SMCHD1: variants seen among roughly 807,000 people sequenced by gnomAD.
The protein encoded by SMCHD1 is structural maintenance of chromosomes flexible hinge domain containing 1, also known as structural maintenance of chromosomes flexible hinge domain-containing protein 1.
A neutral mutation model predicts 254.7 loss-of-function variants in SMCHD1; 78 were observed. That is an observed-to-expected ratio of 0.31 (90% CI 0.26 to 0.37). The LOEUF (loss-of-function observed/expected upper bound fraction) is 0.37. SMCHD1 is among the 10% of genes least tolerant of loss of function. The pLI, the probability that SMCHD1 is intolerant of heterozygous loss-of-function variation, is 1.00. For missense variants in SMCHD1, 1,840 were observed against 2,408.1 expected (o/e 0.76, Z 4.94); for synonymous variants, 766 against 794.9 (o/e 0.96, Z 0.61).
intron 31 of SMCHD1, 104 bp from the exon 32 acceptor site, chr18:2,750,246 A>C: frequency 1.4e-6 from 2 of 1,400,688 alleles, no homozygotes; most frequent in Non-Finnish European, 1.9e-6. Flanking sequence ...ACTGAATAGA[A>C]GTTGAGAGGT....
intron 34 of SMCHD1, among the ~76,000 whole-genome samples, chr18:2,760,088 C>T (rs1050115651): frequency 1.3e-5 from 2 of 152,082 alleles, no homozygotes; most frequent in African/African-American, 2.4e-5. Context: ...TGAGCCACAT[C>T]GCACATATTG....
intron 3 of SMCHD1, among the ~76,000 whole-genome samples, chr18:2,667,936 G>A (rs770873079): frequency 2.0e-5 from 3 of 152,078 alleles, no homozygotes; most frequent in Non-Finnish European, 4.4e-5. Context: ...CTGGAGTGCA[G>A]TGGTGTGATC....
intron 20 of SMCHD1, 75 bp from the exon 21 acceptor site, chr18:2,724,824 T>C (rs1281411478): frequency 1.5e-6 from 1 of 678,210 alleles, no homozygotes; most frequent in Non-Finnish European, 2.3e-6. Context: ...CAATGTCACA[T>C]AGGAAAGCAA....
intron 3 of SMCHD1, among the ~76,000 whole-genome samples, chr18:2,670,511 A>G (rs918938313): frequency 6.6e-6 from 1 of 152,076 alleles, no homozygotes; most frequent in Non-Finnish European, 1.5e-5. Context: ...TTTCTTTCCC[A>G]TATTCCTCCA....
At chr18:2,742,372 T>C (rs1421557542) in intron 28 of SMCHD1, among the ~76,000 whole-genome samples, 2 of 152,174 alleles carry the variant, frequency 1.3e-5, no homozygotes, top group Non-Finnish European at 2.9e-5. Context: ...AGATTTGAAA[T>C]AAAACCAGAA....
Position 2,700,790 on chromosome 18 carries a change from A to T in SMCHD1, c.1519A>T (p.Asn507Tyr). Residue 507 changes from asparagine (N) to tyrosine (Y), a missense_variant, in exon 12 of 48, where the codon AAT becomes TAT. By Grantham distance (143) the Asn-to-Tyr change is moderately radical. This residue lies in a region of SMCHD1 where 498 missense variants were observed against 743.5 expected (regional missense o/e 0.67). Transcript: ENST00000320876. The stretch of plus-strand genomic sequence containing the variant: ...AGGGCTTGCACCAATTGAATGCTAC[A>T]ATAGGATATCTGGTGCATTATTCAC... ...KRGLAPIECY[N>Y]RISGALFTND... 1 of 1,613,508 alleles carries T rather than the reference A, an allele frequency of 6.2e-7. No individual in the cohort carries two copies. Among genetic ancestry groups the T allele is most frequent in the Non-Finnish European group, 8.5e-7 (1 of 1,179,636 alleles).
intron 7 of SMCHD1, among the ~76,000 whole-genome samples, chr18:2,689,509 C>T (rs796374374): frequency 1.8e-4 from 28 of 151,860 alleles, no homozygotes; most frequent in African/African-American, 6.5e-4. Flanking sequence ...ACGTGAGCCA[C>T]CGCGCCCAGC....
chr18:2,710,121 T>C (rs554744849), intron 17 of SMCHD1, among the ~76,000 whole-genome samples: 14 of 152,348 alleles, frequency 9.2e-5, no homozygotes, highest in Admixed American at 8.5e-4. Context: ...CCTGTAGATA[T>C]CCAGTTTTTC....
At position 2,655,871 on chromosome 18, in the gene SMCHD1, G is replaced by A. The variant is rs1024084482; in HGVS notation, c.-205G>A. On this transcript the variant is annotated 5_prime_UTR_variant, in exon 1 of 48. Coordinates refer to ENST00000320876, the MANE Select transcript of SMCHD1 (RefSeq NM_015295.3). Reference sequence around the variant, plus strand: ...GGGCCGCGGAAGTGACGTGGTGCACGGGCAGGAGCGCGTTTGAATCGGTTC... The same window carrying A: ...GGGCCGCGGAAGTGACGTGGTGCACAGGCAGGAGCGCGTTTGAATCGGTTC... The A allele has an allele frequency of 7.1e-5, 26 of 368,370 alleles. No individual in the cohort carries two copies. Among genetic ancestry groups the A allele is most frequent in the Admixed American group, 1.9e-4 (4 of 21,452 alleles). 22.8% of individuals were successfully genotyped at this position (368,370 alleles called of 1,614,324 possible). A position where few individuals can be genotyped will look rare whatever the true frequency, so the allele number is the denominator to read the frequency against.
At chr18:2,703,563 A>G (rs2074450049) in intron 12 of SMCHD1, 129 bp from the exon 13 acceptor site, 1 of 697,046 alleles carries the variant, frequency 1.4e-6, no homozygotes, top group Non-Finnish European at 2.4e-6. Flanking sequence ...CCAGCAGAAT[A>G]TTTAATTTTT....
chr18:2,673,483 C>A, intron 4 of SMCHD1, 120 bp downstream of exon 4: 1 of 759,444 alleles, frequency 1.3e-6, no homozygotes, highest in South Asian at 2.9e-5. Context: ...TCAGATATCT[C>A]TTCATCCATT....
intron 17 of SMCHD1, among the ~76,000 whole-genome samples, chr18:2,709,228 A>ATGTGTG (rs150894551): frequency 3.7e-5 from 4 of 108,910 alleles, no homozygotes; most frequent in South Asian, 2.7e-4. Context: ...ATATGTGTAT[A>ATGTGTG]TGTGTATATA....
At position 2,666,910 on chromosome 18, in the gene SMCHD1, G is replaced by T; in HGVS notation, c.303G>T (p.Gln101His). ...ATGGAGTCACCTTATACCTGCTACA[G>T]TCGGTCAATCAGTTACTACTGACAG... The part of the protein sequence containing the change: ...VKDGVTLYLL[Q>H]SVNQLLLTAT... The change falls in exon 3 of 48, where the codon CAG becomes CAT. Residue 101 changes from glutamine to histidine, a missense_variant. Gln to His is a conservative substitution (Grantham distance 24). This residue lies in a region of SMCHD1 where 37 missense variants were observed against 54.2 expected (regional missense o/e 0.68). Coordinates refer to ENST00000320876, the MANE Select transcript of SMCHD1 (RefSeq NM_015295.3). The T allele has an allele frequency of 8.1e-6, 13 of 1,613,422 alleles. No homozygotes were observed. Among genetic ancestry groups the T allele is most frequent in the Non-Finnish European group, 1.1e-5 (13 of 1,179,604 alleles).
intron 7 of SMCHD1, among the ~76,000 whole-genome samples, chr18:2,693,953 T>G (rs1489464083): frequency 6.6e-6 from 1 of 152,138 alleles, no homozygotes; most frequent in Non-Finnish European, 1.5e-5. Flanking sequence ...AAACATAGAT[T>G]CATACTACAG....
intron 10 of SMCHD1, among the ~76,000 whole-genome samples, chr18:2,698,577 A>T (rs1262584179): frequency 1.3e-5 from 2 of 152,114 alleles, no homozygotes; most frequent in African/African-American, 4.8e-5. Flanking sequence ...CGTGTTGCCC[A>T]GGCTGGTCTT....
rs1035764108 is a variant in SMCHD1, at chr18:2,772,255, A to G, written c.5058A>G (p.Pro1686=). The stretch of plus-strand genomic sequence containing the variant: ...TTTTTCTTTATAAATTATAGGTGCC[A>G]CACATTGAAGCACTTCTGAAAAGAA... The part of the protein sequence containing the change: ...NIDIPTTQQV[P]HIEALLKRKL... The change falls in exon 41 of 48, where the codon CCA becomes CCG. Residue 1686 remains proline, a synonymous_variant. Coordinates refer to ENST00000320876, the MANE Select transcript of SMCHD1 (RefSeq NM_015295.3). 6.3e-7 allele frequency: 1 copy of G among 1,586,790 alleles called. No individual in the cohort carries two copies. The highest frequency in any genetic ancestry group is 1.4e-5 in the African/African-American group (1 of 73,074).
intron 3 of SMCHD1, among the ~76,000 whole-genome samples, chr18:2,670,373 A>G (rs2073561771): frequency 6.6e-6 from 1 of 152,092 alleles, no homozygotes; most frequent in Non-Finnish European, 1.5e-5. Context: ...AACTTAGTCT[A>G]TTTAATTGCA....
chr18:2,780,340 A>G (rs2143796104), intron 44 of SMCHD1, among the ~76,000 whole-genome samples: 1 of 151,968 alleles, frequency 6.6e-6, no homozygotes, highest in African/African-American at 2.4e-5. Flanking sequence ...CTAATTGGAA[A>G]ATGGTATTTG....
At chr18:2,704,090 T>G (rs1347653147) in intron 13 of SMCHD1, among the ~76,000 whole-genome samples, 1 of 152,178 alleles carries the variant, frequency 6.6e-6, no homozygotes, top group South Asian at 2.1e-4. Flanking sequence ...AAATTTAACT[T>G]ATTTTTAGAT....
Sources: allele counts gnomAD v4.1 joint callset (sites outside exome capture counted in the v4.1 genomes callset), GRCh38; gene constraint gnomAD v4.1.1; regional missense constraint gnomAD v4.1.1; transcripts MANE v1.5; gene names NCBI Gene and HGNC (gene_info 2026-07-23, HGNC 2026-07-21).